The following HDAC8 variants were observed in gnomAD, a reference collection of about 807,000 sequenced individuals.
HDAC8 encodes histone deacetylase 8, also known as histone deacetylase-like 1.
Under a neutral mutation model 32.2 loss-of-function variants are expected in HDAC8, and 1 was observed. That is an observed-to-expected ratio of 0.03 (90% confidence interval 0.01 to 0.15). The LOEUF (loss-of-function observed/expected upper bound fraction) is 0.15, where lower values mean the gene tolerates loss of function less well. Among genes scored for constraint, HDAC8 ranks in the 10% least tolerant of loss-of-function variants. The pLI, the probability that HDAC8 is intolerant of heterozygous loss-of-function variation, is 1.00. For synonymous variants in HDAC8, 108 were observed against 113.9 expected (o/e 0.95, Z 0.33); for missense variants, 117 against 300.0 (o/e 0.39, Z 4.51).
chrX:72,335,536 A>G (rs995058187), intron 10 of HDAC8, among the ~76,000 whole-genome samples: 2 of 112,011 alleles, frequency 1.8e-5, no homozygotes, highest in African/African-American at 6.5e-5. Context: ...CTGGATGTAC[A>G]ACGGGTTTAT....
At chrX:72,556,982 C>T (rs1833018012) in intron 4 of HDAC8, among the ~76,000 whole-genome samples, 2 of 111,854 alleles carry the variant, frequency 1.8e-5, no homozygotes, top group Middle Eastern at 4.6e-3. Flanking sequence ...TTTGGGAGGC[C>T]GAGACGGGTG....
intron 9 of HDAC8, among the ~76,000 whole-genome samples, chrX:72,387,060 C>G (rs1356923524): frequency 3.6e-5 from 4 of 112,071 alleles, no homozygotes; most frequent in Non-Finnish European, 7.5e-5. Flanking sequence ...TACTCTTCCT[C>G]AAAAACAAAA....
At chrX:72,435,341 G>T (rs1243867650) in intron 9 of HDAC8, among the ~76,000 whole-genome samples, 1 of 111,164 alleles carries the variant, frequency 9.0e-6, no homozygotes, top group African/African-American at 3.3e-5. Context: ...AGTCTCAAAA[G>T]ACCTAAAATC....
intron 7 of HDAC8, chrX:72,473,733 A>G: frequency 1.5e-5 from 11 of 754,419 alleles, no homozygotes; most frequent in Non-Finnish European, 1.7e-5. Context: ...CATTATGTCA[A>G]TATAACAGCA....
chrX:72,509,901 A>G (rs1249957525), intron 4 of HDAC8, among the ~76,000 whole-genome samples: 5 of 111,050 alleles, frequency 4.5e-5, no homozygotes, highest in Non-Finnish European at 9.4e-5. Context: ...CCATTTTACC[A>G]CTTTTTCAGT....
rs781969655 is a variant in HDAC8 at position 72,430,494 on chromosome X, TA to T, written c.1005+31509del. 3.6e-5 allele frequency among the ~76,000 whole-genome samples: 4 copies of T among 112,505 alleles called. No homozygotes were observed. In the East Asian group the frequency reaches 1.1e-3, roughly 31 times the overall value. ...ACTAGTTTCTTTCAGCGTTAGAAAC[TA>T]AAAATTGGGTTGTCAATAGCTTTAC... On this transcript the variant is annotated intron_variant, in intron 9 of 10. Transcript: ENST00000373573.
At chrX:72,341,436 G>A (rs2043885368) in intron 10 of HDAC8, among the ~76,000 whole-genome samples, 1 of 112,203 alleles carries the variant, frequency 8.9e-6, no homozygotes, top group Admixed American at 9.4e-5. Context: ...ATGACCTTGT[G>A]TAAGACCACA....
intron 10 of HDAC8, among the ~76,000 whole-genome samples, chrX:72,345,891 C>G (rs186394682): frequency 1.8e-5 from 2 of 110,982 alleles, no homozygotes; most frequent in Non-Finnish European, 3.8e-5. Context: ...ACCATGTTGT[C>G]CAGGCTGGTC....
chrX:72,413,952 T>C (rs2046268102), intron 9 of HDAC8, among the ~76,000 whole-genome samples: 1 of 111,966 alleles, frequency 8.9e-6, no homozygotes, highest in South Asian at 3.8e-4. Flanking sequence ...TATAAGTCAG[T>C]CTCTGTGACA....
At chrX:72,415,547 C>A (rs2046309400) in intron 9 of HDAC8, among the ~76,000 whole-genome samples, 1 of 111,939 alleles carries the variant, frequency 8.9e-6, no homozygotes, top group Non-Finnish European at 1.9e-5. Flanking sequence ...ATGTTGAGTT[C>A]CAAACTATGG....
At chrX:72,569,795 T>C (rs1377855152) in intron 2 of HDAC8, among the ~76,000 whole-genome samples, 1 of 112,257 alleles carries the variant, frequency 8.9e-6, no homozygotes, top group East Asian at 2.8e-4. Flanking sequence ...CCCTTGCCAC[T>C]TAAAGGGTGG....
Position 72,567,784 on chromosome X carries a change from C to A in HDAC8, c.437+105G>T, listed in dbSNP as rs1556137844. On this transcript the variant is annotated intron_variant, in intron 4 of 10. Coordinates refer to ENST00000373573, the MANE Select transcript of HDAC8 (RefSeq NM_018486.3). ...AGAATGCCTTGTAAAGTGCCACATA[C>A]ACACACGTCTCTCTGTAAATGTCAA... The A allele has an allele frequency of 5.0e-6, 6 of 1,209,309 alleles. No homozygotes were observed. Among genetic ancestry groups the A allele is most frequent in the Non-Finnish European group, 5.6e-6 (5 of 894,411 alleles).
intron 2 of HDAC8, among the ~76,000 whole-genome samples, chrX:72,569,289 T>C (rs1484459776): frequency 2.7e-5 from 3 of 112,232 alleles, no homozygotes; most frequent in African/African-American, 9.7e-5. Context: ...ATCTTTATTT[T>C]AATAGGCAGC....
At chrX:72,351,078 A>G (rs1602548603) in intron 10 of HDAC8, among the ~76,000 whole-genome samples, 1 of 107,460 alleles carries the variant, frequency 9.3e-6, no homozygotes, top group Non-Finnish European at 1.9e-5. Flanking sequence ...CCCCCTCCCC[A>G]CCCCTGCTAA....
At chrX:72,351,125 TG>T in intron 10 of HDAC8, 1 of 132,738 alleles carries the variant, frequency 7.5e-6, no homozygotes, top group Non-Finnish European at 1.5e-5. Context: ...TTTTTTTTTT[TG>T]GGACAGGGTC....
intron 4 of HDAC8, among the ~76,000 whole-genome samples, chrX:72,528,538 A>T (rs2050229636): frequency 8.9e-6 from 1 of 112,171 alleles, no homozygotes; most frequent in Admixed American, 9.4e-5. Flanking sequence ...CAGAAGCTGA[A>T]GAATGCTTGG....
intron 9 of HDAC8, among the ~76,000 whole-genome samples, chrX:72,444,435 C>T: frequency 9.0e-6 from 1 of 111,594 alleles, no homozygotes; most frequent in Middle Eastern, 4.6e-3. Flanking sequence ...AAGACAAAAA[C>T]CACATGATTA....
chrX:72,460,132 T>C (rs1337154671), intron 9 of HDAC8, among the ~76,000 whole-genome samples: 1 of 111,482 alleles, frequency 9.0e-6, no homozygotes, highest in Non-Finnish European at 1.9e-5. Context: ...AGGAGATAAC[T>C]TGCATTTTTT....
chrX:72,518,094 C>A (rs1461987152), intron 4 of HDAC8, among the ~76,000 whole-genome samples: 1 of 111,844 alleles, frequency 8.9e-6, no homozygotes, highest in Non-Finnish European at 1.9e-5. Context: ...AATGTGAGAT[C>A]AAATGAATTT....
Sources: gnomAD v4.1 joint callset for allele counts (sites outside exome capture counted in the v4.1 genomes callset) on GRCh38, gnomAD v4.1.1 for gene constraint, MANE v1.5 for transcripts, NCBI Gene and HGNC (gene_info 2026-07-23, HGNC 2026-07-21) for gene names.